The following PKP2 variants were observed in gnomAD, a reference collection of about 807,000 sequenced individuals.
The protein encoded by PKP2 is plakophilin 2, also known as plakophilin-2.
In PKP2, 73 loss-of-function variants were observed where a neutral mutation model predicts 83.4. The ratio of observed to expected loss-of-function variants is 0.88; its 90% CI spans 0.72 to 1.06. The LOEUF (loss-of-function observed/expected upper bound fraction) is 1.06, where lower values mean the gene tolerates loss of function less well. Among genes scored for constraint, PKP2 ranks in the 50% least tolerant of loss-of-function variants. The probability of loss-of-function intolerance (pLI) is 0.00; values close to 1 mark genes in which losing one functional copy is unlikely to be tolerated. For synonymous variants in PKP2, 409 were observed against 430.4 expected (o/e 0.95, Z 0.62); for missense variants, 966 against 1,065.4 (o/e 0.91, Z 1.30).
chr12:32,824,176 C>CA lies in PKP2; in HGVS notation c.1557-15dup. On this transcript the variant is annotated splice_polypyrimidine_tract_variant and intron_variant, in intron 6 of 12. Transcript: ENST00000340811. ...GAACTCATGTTTCTATCAGAAAAAA[C>CA]AAAAAACAAAAAAGTAAGTCTAGGC... is the stretch of plus-strand genomic sequence containing the variant. 2.6e-6 allele frequency: 4 copies of CA among 1,545,408 alleles called. No homozygotes were observed. Among genetic ancestry groups the CA allele is most frequent in the Non-Finnish European group, 3.6e-6 (4 of 1,120,852 alleles).
chr12:32,880,233 C>T (rs977935657), intron 1 of PKP2, among the ~76,000 whole-genome samples: 2 of 151,658 alleles, frequency 1.3e-5, no homozygotes, highest in Non-Finnish European at 2.9e-5. Context: ...AAACCGGTCT[C>T]TCCTAAAAAT....
chr12:32,796,087 C>T (rs745712193), intron 11 of PKP2, 22 bp downstream of exon 11: 24 of 1,595,340 alleles, frequency 1.5e-5, no homozygotes, highest in South Asian at 2.2e-5. Flanking sequence ...AGGCAGCTGA[C>T]GGGCAGAACT....
chr12:32,873,408 G>A (rs150708919), intron 3 of PKP2, among the ~76,000 whole-genome samples: 2 of 151,430 alleles, frequency 1.3e-5, no homozygotes, highest in East Asian at 2.0e-4. Flanking sequence ...CTGCTCTTGT[G>A]TTCTTTAAAT....
At chr12:32,860,173 G>C (rs1323446882) in intron 4 of PKP2, among the ~76,000 whole-genome samples, 2 of 152,198 alleles carry the variant, frequency 1.3e-5, no homozygotes, top group Non-Finnish European at 2.9e-5. Flanking sequence ...CAACAGAGTT[G>C]AGGGCACAGA....
intron 4 of PKP2, among the ~76,000 whole-genome samples, chr12:32,862,431 G>T (rs1165925015): frequency 6.6e-6 from 1 of 151,332 alleles, no homozygotes; most frequent in Non-Finnish European, 1.5e-5. Flanking sequence ...TGGATCACCT[G>T]AAGTCGGGAG....
intron 1 of PKP2, among the ~76,000 whole-genome samples, chr12:32,884,666 G>T (rs930884297): frequency 5.9e-5 from 9 of 152,064 alleles, no homozygotes; most frequent in African/African-American, 2.2e-4. Flanking sequence ...AATGAGATAA[G>T]GTTTCTAAAT....
intron 9 of PKP2, among the ~76,000 whole-genome samples, chr12:32,804,244 T>C (rs890433121): frequency 2.0e-5 from 3 of 152,178 alleles, no homozygotes; most frequent in African/African-American, 7.2e-5. Flanking sequence ...GGCATTCTGT[T>C]GGATGGTTTT....
Position 32,841,037 on chromosome 12 carries a change from C to G in PKP2, c.1547G>C (p.Gly516Ala), listed in dbSNP as rs1402108604. The change falls in exon 6 of 13, where the codon GGA (glycine) becomes GCA (alanine). Residue 516 changes from glycine (G) to alanine (A), a missense_variant. Coordinates refer to ENST00000340811, the MANE Select transcript of PKP2 (RefSeq NM_001005242.3). ...GTACAGGTAGCATTACCTTAGGCAT[C>G]CAGTGACGTTGTAGAATATGTCAAA... ...LDFDIFYNVT[G>A]CLRNMSSAGA... 14 of 1,612,768 alleles carry G rather than the reference C, an allele frequency of 8.7e-6. No individual in the cohort carries two copies. Among genetic ancestry groups the G allele is most frequent in the Non-Finnish European group, 1.1e-5 (13 of 1,179,558 alleles).
At chr12:32,811,258 TAGCACATCCC>T (rs1956274842) in intron 9 of PKP2, among the ~76,000 whole-genome samples, 1 of 152,246 alleles carries the variant, frequency 6.6e-6, no homozygotes, top group Non-Finnish European at 1.5e-5. Flanking sequence ...CCTGATGCAT[TAGCACATCCC>T]AGCATATTCT....
At chr12:32,845,391 A>G (rs2137844402) in intron 5 of PKP2, among the ~76,000 whole-genome samples, 1 of 152,220 alleles carries the variant, frequency 6.6e-6, no homozygotes, top group African/African-American at 2.4e-5. Flanking sequence ...TCTACTAAAA[A>G]TACAAAAAAA....
intron 6 of PKP2, among the ~76,000 whole-genome samples, chr12:32,835,165 T>G (rs1420764263): frequency 6.6e-6 from 1 of 151,828 alleles, no homozygotes; most frequent in Non-Finnish European, 1.5e-5. Flanking sequence ...GCGATTCTCC[T>G]ACCTCAGCCT....
At chr12:32,844,322 C>G (rs1465126029) in intron 5 of PKP2, among the ~76,000 whole-genome samples, 1 of 152,072 alleles carries the variant, frequency 6.6e-6, no homozygotes. Context: ...TAACCAACTA[C>G]AAACTGGGAA....
At chr12:32,876,035 A>G (rs1413558759) in intron 3 of PKP2, among the ~76,000 whole-genome samples, 1 of 152,212 alleles carries the variant, frequency 6.6e-6, no homozygotes, top group Non-Finnish European at 1.5e-5. Flanking sequence ...GCAGGCAGAA[A>G]GGGAGCACGC....
chr12:32,894,474 G>C (rs1957103916), intron 1 of PKP2: 1 of 152,174 alleles, frequency 6.6e-6, no homozygotes, highest in African/African-American at 2.4e-5. Flanking sequence ...ATTATGTGTG[G>C]AGTTGGGATT....
At chr12:32,868,644 T>G (rs1956869771) in intron 4 of PKP2, among the ~76,000 whole-genome samples, 2 of 152,140 alleles carry the variant, frequency 1.3e-5, no homozygotes, top group Admixed American at 1.3e-4. Flanking sequence ...TGCCTCAGCC[T>G]CTCGAGTAGC....
At chr12:32,874,993 C>T (rs1331254206) in intron 3 of PKP2, among the ~76,000 whole-genome samples, 12 of 152,176 alleles carry the variant, frequency 7.9e-5, no homozygotes, top group African/African-American at 2.9e-4. Flanking sequence ...AAGCGATCCT[C>T]CAGCCTGGGC....
intron 11 of PKP2, among the ~76,000 whole-genome samples, chr12:32,794,787 T>C (rs529274252): frequency 6.6e-4 from 100 of 152,324 alleles, no homozygotes; most frequent in Middle Eastern, 3.4e-3. Flanking sequence ...GTGAATATTC[T>C]TGGGGAACTG....
At chr12:32,869,481 C>T (rs80314432) in intron 3 of PKP2, among the ~76,000 whole-genome samples, 1,588 of 151,156 alleles carry the variant, frequency 0.011, 34 homozygotes, top group African/African-American at 0.037. Flanking sequence ...AGGTGTAATA[C>T]TGTAATACTC....
chr12:32,830,672 C>G (rs1009144613), intron 6 of PKP2, among the ~76,000 whole-genome samples: 9 of 152,026 alleles, frequency 5.9e-5, no homozygotes, highest in East Asian at 3.9e-4. Context: ...TTTGGGAGAC[C>G]GAGGTGGGCA....
Sources: allele counts gnomAD v4.1 joint callset (sites outside exome capture counted in the v4.1 genomes callset), GRCh38; gene constraint gnomAD v4.1.1; transcripts MANE v1.5; gene names NCBI Gene and HGNC (gene_info 2026-07-23, HGNC 2026-07-21).